Variants in MYOF observed in about 807,000 individuals in gnomAD.
The protein encoded by MYOF is fer-1-like 3, myoferlin.
In MYOF, 244 loss-of-function variants were observed where a neutral mutation model predicts 284.2. The observed-to-expected ratio is 0.86, with a 90% CI of 0.77 to 0.95. MYOF has a LOEUF of 0.95. Ranked by LOEUF, MYOF falls within the 40% of genes least tolerant of loss-of-function variation. MYOF has a pLI of 0.00. For synonymous variants in MYOF, 904 were observed against 919.7 expected, an observed-to-expected ratio of 0.98 and a Z score of 0.31; for missense variants, 2,496 against 2,560.6, an observed-to-expected ratio of 0.97 and a Z score of 0.54.
At chr10:93,454,855 T>C (rs2056695875) in intron 2 of MYOF, among the ~76,000 whole-genome samples, 1 of 151,924 alleles carries the variant, frequency 6.6e-6, no homozygotes, top group Non-Finnish European at 1.5e-5. Flanking sequence ...GGCTTATACC[T>C]GTAGTCCCAG....
intron 43 of MYOF, among the ~76,000 whole-genome samples, chr10:93,332,703 C>G (rs940719029): frequency 6.6e-6 from 1 of 151,794 alleles, no homozygotes; most frequent in African/African-American, 2.4e-5. Flanking sequence ...AAAAATTAGC[C>G]GGGCGTGGTG....
chr10:93,375,299 A>G (rs1015323278), intron 22 of MYOF, among the ~76,000 whole-genome samples: 2 of 152,238 alleles, frequency 1.3e-5, no homozygotes, highest in Non-Finnish European at 2.9e-5. Flanking sequence ...GCTTCCTAGA[A>G]TCATTTTACA....
intron 43 of MYOF, 79 bp from the exon 44 acceptor site, chr10:93,329,913 T>C: frequency 6.9e-7 from 1 of 1,455,716 alleles, no homozygotes; most frequent in Non-Finnish European, 9.5e-7. Flanking sequence ...GTGCACAGAA[T>C]TCCCAGGCTG....
chr10:93,341,225 G>T (rs999300753), intron 38 of MYOF, among the ~76,000 whole-genome samples: 2 of 151,036 alleles, frequency 1.3e-5, no homozygotes, highest in East Asian at 1.9e-4. Flanking sequence ...TTTAGAATCT[G>T]TTTGTTCACA....
intron 3 of MYOF, among the ~76,000 whole-genome samples, chr10:93,446,392 T>C (rs1346100153): frequency 6.6e-6 from 1 of 152,208 alleles, no homozygotes; most frequent in Non-Finnish European, 1.5e-5. Flanking sequence ...AATTAACTAT[T>C]AGCAGCTATT....
chr10:93,350,024 T>C, intron 35 of MYOF, 55 bp from the exon 36 acceptor site: 1 of 1,534,882 alleles, frequency 6.5e-7, no homozygotes, highest in Non-Finnish European at 8.8e-7. Context: ...AAAAATAATA[T>C]TCAAAAGGAA....
Position 93,425,958 on chromosome 10 carries a change from G to A in MYOF, c.433+113C>T, listed in dbSNP as rs368567847. 3.0e-5 allele frequency: 32 copies of A among 1,081,848 alleles called. No individual in the cohort carries two copies. The East Asian group carries it at 8.1e-4, about 27-fold the overall frequency. 67.0% of individuals were successfully genotyped at this position (1,081,848 alleles called of 1,614,324 possible). A position where few individuals can be genotyped will look rare whatever the true frequency, so the allele number is the denominator to read the frequency against. ...TGCCTCTCGGGGCCCCTGTCTGGGT[G>A]GGCAGGGAGCTACAGGCTTGTGATC... is the stretch of plus-strand genomic sequence containing the variant. On this transcript the variant is annotated intron_variant, in intron 5 of 53. Transcript: ENST00000359263.
chr10:93,398,712 A>C (rs761364794), intron 13 of MYOF, among the ~76,000 whole-genome samples: 78 of 152,124 alleles, frequency 5.1e-4, no homozygotes, highest in Non-Finnish European at 7.5e-4. Flanking sequence ...CACCAGTCAT[A>C]TGTGTATGTG....
At chr10:93,455,036 G>A (rs1031078960) in intron 2 of MYOF, among the ~76,000 whole-genome samples, 11 of 143,234 alleles carry the variant, frequency 7.7e-5, no homozygotes, top group Admixed American at 5.7e-4. Flanking sequence ...TGACTTATGC[G>A]TGTAATCCCA....
Position 93,431,422 on chromosome 10 carries a change from C to G in MYOF, c.331G>C (p.Gly111Arg). ...AAAACACTCACCCCAGTATCTTGCC[C>G]TTTTTCATTTAGCAGGGAGATCAGC... ...YKLISLLNEK[G>R]QDTGATIDLV... Residue 111 changes from glycine to arginine, a missense_variant, in exon 4 of 54, where the codon GGG becomes CGG. Transcript: ENST00000359263. The G allele has an allele frequency of 6.2e-7, 1 of 1,613,910 alleles. No homozygotes were observed. Among genetic ancestry groups the G allele is most frequent in the Non-Finnish European group, 8.5e-7 (1 of 1,179,850 alleles).
Position 93,381,219 on chromosome 10 carries a change from C to T in MYOF, c.1876G>A (p.Gly626Ser), listed in dbSNP as rs777498944. The T allele has an allele frequency of 5.6e-6, 9 of 1,614,050 alleles. No homozygotes were observed. Among genetic ancestry groups the T allele is most frequent in the Non-Finnish European group, 7.6e-6 (9 of 1,179,984 alleles). Residue 626 changes from glycine (G) to serine (S), a missense_variant and splice_region_variant, in exon 20 of 54, where the codon GGC becomes AGC. Gly to Ser is a moderately conservative substitution (Grantham distance 56, BLOSUM62 0). Coordinates refer to ENST00000359263, the MANE Select transcript of MYOF (RefSeq NM_013451.4). ...AGAGAACTGTTAGTGCCAATCTTAC[C>T]ATCAAATACAGCACGGCTGTACTGA... Reference protein sequence around the residue: ...TTQYSRAVFDGNYYYYLPWAH... With the variant: ...TTQYSRAVFDSNYYYYLPWAH...
Position 93,458,195 on chromosome 10 carries a change from TACA to T in MYOF, c.89-1261_89-1259del, listed in dbSNP as rs201351076. Reference sequence around the variant, plus strand: ...TAATGAAACCCCATCTCTACAAAAATACAACAATTAGCTCTGTGTGGTGGCACA... The same window carrying T: ...TAATGAAACCCCATCTCTACAAAAATACAATTAGCTCTGTGTGGTGGCACA... On this transcript the variant is annotated intron_variant, in intron 1 of 53. Coordinates refer to ENST00000359263, the MANE Select transcript of MYOF (RefSeq NM_013451.4). Among the ~76,000 whole-genome samples, 71 of 151,608 alleles carry T rather than the reference TACA, an allele frequency of 4.7e-4. No individual in the cohort carries two copies. The East Asian group carries it at 0.013, about 27-fold the overall frequency.
chr10:93,414,603 A>T lies in MYOF; in HGVS notation c.434-4864T>A, dbSNP rs185084943. Among the ~76,000 whole-genome samples the T allele has an allele frequency of 2.6e-5, 4 of 152,238 alleles. No individual in the cohort carries two copies. The East Asian group carries it at 7.7e-4, about 29-fold the overall frequency. ...ATTTAGTGTGACTTTATCTTAACTAATTACATCTGCAAAGACCCTGTTTCC... is the reference window on the plus strand; with the variant it reads ...ATTTAGTGTGACTTTATCTTAACTATTTACATCTGCAAAGACCCTGTTTCC... On this transcript the variant is annotated intron_variant, in intron 5 of 53. Transcript: ENST00000359263.
At chr10:93,370,306 G>A (rs1411646068) in intron 24 of MYOF, among the ~76,000 whole-genome samples, 1 of 134,926 alleles carries the variant, frequency 7.4e-6, no homozygotes, top group Non-Finnish European at 1.5e-5. Flanking sequence ...AAGCAGTAAT[G>A]ATTACTAATT....
intron 5 of MYOF, among the ~76,000 whole-genome samples, chr10:93,424,908 C>A (rs1380782995): frequency 6.6e-6 from 1 of 150,440 alleles, no homozygotes; most frequent in Non-Finnish European, 1.5e-5. Flanking sequence ...TGCAGGACTT[C>A]CTCCCAGGAG....
At chr10:93,457,736 ATTTTT>A in intron 1 of MYOF, among the ~76,000 whole-genome samples, 1 of 142,270 alleles carries the variant, frequency 7.0e-6, no homozygotes, top group East Asian at 2.1e-4. Context: ...ATCTCATCTA[ATTTTT>A]TTTTTTTTTT....
intron 3 of MYOF, among the ~76,000 whole-genome samples, chr10:93,434,120 C>T (rs562441903): frequency 2.0e-3 from 297 of 152,158 alleles, no homozygotes; most frequent in African/African-American, 7.0e-3. Flanking sequence ...CTCATCCCTT[C>T]TAATATCACA....
intron 3 of MYOF, among the ~76,000 whole-genome samples, chr10:93,437,699 C>T (rs1849192621): frequency 6.6e-6 from 1 of 152,304 alleles, no homozygotes; most frequent in African/African-American, 2.4e-5. Flanking sequence ...AGATGGTGAG[C>T]TTCCCACCCT....
At chr10:93,323,613 G>C (rs1184287176) in intron 46 of MYOF, 1 of 480,292 alleles carries the variant, frequency 2.1e-6, no homozygotes, top group Non-Finnish European at 3.7e-6. Context: ...ATCATAGTCT[G>C]GGTCTCGCCT....
Sources: gnomAD v4.1 joint callset for allele counts (sites outside exome capture counted in the v4.1 genomes callset) on GRCh38, gnomAD v4.1.1 for gene constraint, MANE v1.5 for transcripts, NCBI Gene and HGNC (gene_info 2026-07-23, HGNC 2026-07-21) for gene names.